Variants in PLEK observed in about 807,000 individuals in gnomAD.
PLEK encodes platelet 47 kDa protein.
PLEK carries 25 observed loss-of-function variants against 43.9 expected under a neutral mutation model. The observed-to-expected ratio is 0.57, with a 90% CI of 0.41 to 0.79. The LOEUF (loss-of-function observed/expected upper bound fraction) is 0.79, where lower values mean the gene tolerates loss of function less well. Among genes scored for constraint, PLEK ranks in the 30% least tolerant of loss-of-function variants. The pLI is 0.00. For missense variants in PLEK, 396 were observed against 413.3 expected (o/e 0.96, Z 0.36); for synonymous variants, 152 against 144.4 (o/e 1.05, Z -0.38).
rs746003545 is a variant in PLEK at position 68,380,842 on chromosome 2, C to A, written c.318C>A (p.Gly106=). 7.3e-5 allele frequency: 117 copies of A among 1,613,784 alleles called. No individual in the cohort carries two copies. The highest frequency in any genetic ancestry group is 9.7e-5 in the Non-Finnish European group (114 of 1,179,858). ...IKKAIKCIEG[G]QKFARKSTRR... is the part of the protein sequence containing the mutation. Reference sequence around the variant, plus strand: ...AGGCCATTAAATGCATTGAAGGAGGCCAGAAATTTGCCAGGAAATCTACCA... The same window carrying A: ...AGGCCATTAAATGCATTGAAGGAGGACAGAAATTTGCCAGGAAATCTACCA... The change falls in exon 3 of 9, where the codon GGC becomes GGA. Residue 106 remains glycine (G), a synonymous_variant. Transcript: ENST00000234313.
At position 68,396,265 on chromosome 2, in the gene PLEK, C is replaced by T. The variant is rs897430321; in HGVS notation, c.*449C>T. 25 of 163,006 alleles carry T rather than the reference C, an allele frequency of 1.5e-4. No individual in the cohort carries two copies. Among genetic ancestry groups the T allele is most frequent in the Admixed American group, 1.1e-3 (20 of 17,462 alleles). The allele number at this position is 163,006 out of a possible 1,614,324, so 10.1% of individuals were successfully genotyped here. On this transcript the variant is annotated 3_prime_UTR_variant, in exon 9 of 9. Coordinates refer to ENST00000234313, the MANE Select transcript of PLEK (RefSeq NM_002664.3). Reference sequence around the variant, plus strand: ...TGGCCTTCAGTTATCTTCAAATGTACCAGAACCTGAGCCAACGCCTCCCTG... The same window carrying T: ...TGGCCTTCAGTTATCTTCAAATGTATCAGAACCTGAGCCAACGCCTCCCTG...
chr2:68,373,980 T>G (rs1183368864), intron 1 of PLEK, among the ~76,000 whole-genome samples: 1 of 152,248 alleles, frequency 6.6e-6, no homozygotes, highest in Non-Finnish European at 1.5e-5. Context: ...ATTTTAAAAG[T>G]TAAGCCCACA....
rs1352377761 is a variant in PLEK, at chr2:68,396,391, A to G, written c.*575A>G. 1 of 152,150 alleles carries G rather than the reference A, an allele frequency of 6.6e-6. No homozygotes were observed. Among genetic ancestry groups the G allele is most frequent in the Non-Finnish European group, 1.5e-5 (1 of 68,068 alleles). 9.4% of individuals were successfully genotyped at this position (152,150 alleles called of 1,614,324 possible). Reference sequence around the variant, plus strand: ...CTTGGCCTTGAGATCGTGTAACAAAATGAAGGAGGGCTCTCTTCTTTCTTC... The same window carrying G: ...CTTGGCCTTGAGATCGTGTAACAAAGTGAAGGAGGGCTCTCTTCTTTCTTC... On this transcript the variant is annotated 3_prime_UTR_variant, in exon 9 of 9. Transcript: ENST00000234313.
chr2:68,383,468 G>A (rs1673674085), intron 4 of PLEK, among the ~76,000 whole-genome samples: 3 of 150,986 alleles, frequency 2.0e-5, no homozygotes, highest in Admixed American at 2.0e-4. Flanking sequence ...TTAATGAGGA[G>A]CCAGGGCAGA....
chr2:68,365,640 G>A, intron 1 of PLEK: 1 of 460,200 alleles, frequency 2.2e-6, no homozygotes, highest in Non-Finnish European at 4.0e-6. Flanking sequence ...GGCCTGGAAG[G>A]TGGGGATCTA....
At chr2:68,390,603 G>T (rs1673840337) in intron 6 of PLEK, among the ~76,000 whole-genome samples, 1 of 152,030 alleles carries the variant, frequency 6.6e-6, no homozygotes, top group Non-Finnish European at 1.5e-5. Context: ...TTAGCTCAGT[G>T]GTTAGTAACC....
rs115583649 is a variant in PLEK, at chr2:68,380,270, G to A, written c.43-58G>A. 3.2e-4 allele frequency: 454 copies of A among 1,416,850 alleles called. 3 individuals carry two copies. The African/African-American group carries it at 5.9e-3, about 18-fold the overall frequency. 87.8% of individuals were successfully genotyped at this position (1,416,850 alleles called of 1,614,324 possible). On this transcript the variant is annotated intron_variant, in intron 1 of 8. Transcript: ENST00000234313. ...AAATATAGAATCTTTCCTGTTAGGA[G>A]GAAAATACAGTTTGCAAAGAGCCCT...
chr2:68,380,191 G>C, intron 1 of PLEK, 137 bp from the exon 2 acceptor site: 1 of 657,394 alleles, frequency 1.5e-6, no homozygotes. Flanking sequence ...GAGAGGATTT[G>C]TGTTGAAGGA....
chr2:68,383,242 T>G (rs1673666226), intron 4 of PLEK, among the ~76,000 whole-genome samples: 1 of 152,200 alleles, frequency 6.6e-6, no homozygotes, highest in Admixed American at 6.5e-5. Context: ...AGGCTTGCCA[T>G]TATGTGTGTA....
chr2:68,396,127 T>G lies in PLEK; in HGVS notation c.*311T>G. The G allele has an allele frequency of 8.1e-6, 2 of 245,460 alleles. No individual in the cohort carries two copies. The highest frequency in any genetic ancestry group is 1.5e-5 in the Non-Finnish European group (2 of 131,442). 15.2% of individuals were successfully genotyped at this position (245,460 alleles called of 1,614,324 possible). ...AAAATGAAGAAATTCAACTAGTAGATTCCTGAGGTCCCCCTAGCTTAAAAA... is the reference window on the plus strand; with the variant it reads ...AAAATGAAGAAATTCAACTAGTAGAGTCCTGAGGTCCCCCTAGCTTAAAAA... On this transcript the variant is annotated 3_prime_UTR_variant, in exon 9 of 9. Transcript: ENST00000234313.
chr2:68,393,295 T>C, intron 7 of PLEK, 50 bp downstream of exon 7: 1 of 1,201,580 alleles, frequency 8.3e-7, no homozygotes, highest in Non-Finnish European at 1.2e-6. Flanking sequence ...ATCCACTGCA[T>C]TTATAATCTG....
At chr2:68,383,324 A>G (rs1673667603) in intron 4 of PLEK, among the ~76,000 whole-genome samples, 1 of 152,208 alleles carries the variant, frequency 6.6e-6, no homozygotes, top group African/African-American at 2.4e-5. Context: ...AAGTGGTCAC[A>G]TGTCTGTACA....
chr2:68,388,253 T>G, intron 5 of PLEK, 134 bp from the exon 6 acceptor site: 2 of 601,754 alleles, frequency 3.3e-6, no homozygotes, highest in Non-Finnish European at 6.1e-6. Context: ...GAAGTTCAGA[T>G]TGGGATGTAC....
At chr2:68,390,109 A>T (rs965593870) in intron 6 of PLEK, among the ~76,000 whole-genome samples, 14 of 152,188 alleles carry the variant, frequency 9.2e-5, no homozygotes, top group African/African-American at 3.1e-4. Flanking sequence ...GAGACCTGGG[A>T]TGGTCAAAAA....
intron 1 of PLEK, among the ~76,000 whole-genome samples, chr2:68,374,488 C>T (rs575191678): frequency 6.6e-6 from 1 of 152,256 alleles, no homozygotes; most frequent in South Asian, 2.1e-4. Flanking sequence ...GTATACCCCT[C>T]CATGGAGTTA....
chr2:68,365,887 G>A (rs369716164), intron 1 of PLEK, among the ~76,000 whole-genome samples: 7 of 151,958 alleles, frequency 4.6e-5, no homozygotes, highest in South Asian at 4.2e-4. Flanking sequence ...GAATTGACAC[G>A]TTTAAAAAAA....
At chr2:68,380,601 C>A (rs954706496) in intron 2 of PLEK, 118 bp downstream of exon 2, 2 of 1,382,616 alleles carry the variant, frequency 1.4e-6, no homozygotes, top group Non-Finnish European at 2.0e-6. Flanking sequence ...ACCACCCACA[C>A]CCCACCCTGG....
At chr2:68,372,379 T>C (rs1227534682) in intron 1 of PLEK, among the ~76,000 whole-genome samples, 1 of 152,146 alleles carries the variant, frequency 6.6e-6, no homozygotes, top group Non-Finnish European at 1.5e-5. Context: ...TTTCATCATG[T>C]TGGCCAGGCT....
At chr2:68,392,169 C>CT (rs1237271854) in intron 6 of PLEK, among the ~76,000 whole-genome samples, 5 of 143,228 alleles carry the variant, frequency 3.5e-5, no homozygotes, top group African/African-American at 1.1e-4. Flanking sequence ...TTTTCTCCTC[C>CT]TCCTCCTTCT....
Sources: allele counts gnomAD v4.1 joint callset (sites outside exome capture counted in the v4.1 genomes callset), GRCh38; gene constraint gnomAD v4.1.1; transcripts MANE v1.5; gene names NCBI Gene and HGNC (gene_info 2026-07-23, HGNC 2026-07-21).